Variants in EYA1 observed in about 807,000 individuals in gnomAD.
The protein encoded by EYA1 is protein phosphatase EYA1.
Under a neutral mutation model 82.0 loss-of-function variants are expected in EYA1, and 16 were observed. The ratio of observed to expected loss-of-function variants is 0.20; its 90% CI spans 0.13 to 0.30. EYA1 has a LOEUF of 0.30. Ranked by LOEUF, EYA1 falls within the 10% of genes least tolerant of loss-of-function variation. The pLI, the probability that EYA1 is intolerant of heterozygous loss-of-function variation, is 1.00. For missense variants in EYA1, 633 were observed against 730.7 expected (o/e 0.87, Z 1.54); for synonymous variants, 261 against 264.4 (o/e 0.99, Z 0.12).
intron 1 of EYA1, among the ~76,000 whole-genome samples, chr8:71,539,812 G>T (rs1006686969): frequency 2.0e-5 from 3 of 152,182 alleles, no homozygotes; most frequent in African/African-American, 2.4e-5. Context: ...GTGGAAAGGA[G>T]TTGAAATCAG....
chr8:71,388,023 C>A (rs1055275496), intron 2 of EYA1, among the ~76,000 whole-genome samples: 5 of 152,060 alleles, frequency 3.3e-5, no homozygotes, highest in African/African-American at 1.2e-4. Flanking sequence ...CTGTGCTAAG[C>A]CTGCACACAT....
intron 9 of EYA1, among the ~76,000 whole-genome samples, chr8:71,291,001 T>C (rs375215246): frequency 2.6e-4 from 39 of 152,332 alleles, no homozygotes; most frequent in African/African-American, 7.5e-4. Context: ...GCTGAACAAA[T>C]TGCAAACTTT....
intron 2 of EYA1, among the ~76,000 whole-genome samples, chr8:71,440,687 C>G (rs1806365886): frequency 6.6e-6 from 1 of 152,090 alleles, no homozygotes; most frequent in South Asian, 2.1e-4. Context: ...GGAGCCCATA[C>G]GTCAAGTTCC....
rs1200514062 is a variant in EYA1, at chr8:71,361,770, T to C, written c.-178A>G. The C allele has an allele frequency of 2.0e-6, 2 of 985,382 alleles. No homozygotes were observed. The highest frequency in any genetic ancestry group is 6.1e-5 in the Admixed American group (1 of 16,274). The allele number at this position is 985,382 out of a possible 1,614,324, so 61.0% of individuals were successfully genotyped here. A position where few individuals can be genotyped will look rare whatever the true frequency, so the allele number is the denominator to read the frequency against. On this transcript the variant is annotated 5_prime_UTR_variant, in exon 1 of 18. Transcript: ENST00000340726. ...TACGCGCGGGGGCTCTCAGGCGCTC[T>C]GGTGCAGCCGCGGCGCTTCTGGGAG...
chr8:71,417,455 C>T (rs1226680538), intron 2 of EYA1, among the ~76,000 whole-genome samples: 3 of 152,086 alleles, frequency 2.0e-5, no homozygotes, highest in Non-Finnish European at 2.9e-5. Context: ...TTTTTGCCTA[C>T]TAAAAGTTTT....
intron 2 of EYA1, among the ~76,000 whole-genome samples, chr8:71,530,385 T>G (rs1814167880): frequency 6.6e-6 from 1 of 152,212 alleles, no homozygotes; most frequent in Non-Finnish European, 1.5e-5. Flanking sequence ...CAACAATGAA[T>G]TTCTGTTGTT....
rs929651667 is a variant in EYA1, at chr8:71,328,953, C to T, written c.202+5144G>A. 2.0e-5 allele frequency among the ~76,000 whole-genome samples: 3 copies of T among 152,148 alleles called. No homozygotes were observed. In the East Asian group the frequency reaches 5.8e-4, roughly 29 times the overall value. On this transcript the variant is annotated intron_variant, in intron 4 of 17. Transcript: ENST00000340726. ...ATTTCCTTAGCAAACATTTACTGAG[C>T]ATCTCCTGTATGCTTGATGCCATGA...
At chr8:71,211,122 AAT>A in intron 17 of EYA1, 32 bp downstream of exon 17, 2 of 1,383,566 alleles carry the variant, frequency 1.4e-6, no homozygotes, top group Non-Finnish European at 2.1e-6. Flanking sequence ...TGAAAAAACA[AAT>A]GAGACAAGAT....
chr8:71,303,093 C>T (rs1019751840), intron 7 of EYA1, among the ~76,000 whole-genome samples: 1 of 142,270 alleles, frequency 7.0e-6, no homozygotes, highest in African/African-American at 2.5e-5. Context: ...TTACTCCTTA[C>T]AGCTCCTACT....
At chr8:71,404,140 G>A (rs555571442) in intron 2 of EYA1, 1 of 152,158 alleles carries the variant, frequency 6.6e-6, no homozygotes, top group Non-Finnish European at 1.5e-5. Context: ...TCCCTACTTA[G>A]GAGTATTTTG....
At chr8:71,441,903 C>A (rs1258764564) in intron 2 of EYA1, among the ~76,000 whole-genome samples, 1 of 152,130 alleles carries the variant, frequency 6.6e-6, no homozygotes, top group Admixed American at 6.5e-5. Context: ...CATGAGATAT[C>A]TCTGTTTCTG....
chr8:71,400,094 T>C (rs78792987), intron 2 of EYA1, among the ~76,000 whole-genome samples: 1 of 152,164 alleles, frequency 6.6e-6, no homozygotes, highest in Non-Finnish European at 1.5e-5. Context: ...GCTAGCCACA[T>C]GCAGAAAATT....
At chr8:71,340,326 A>G (rs1376565977) in intron 3 of EYA1, among the ~76,000 whole-genome samples, 2 of 152,200 alleles carry the variant, frequency 1.3e-5, no homozygotes, top group African/African-American at 4.8e-5. Flanking sequence ...ATTTGCAAGA[A>G]TACAAGAGTA....
chr8:71,267,729 T>C (rs918452467), intron 11 of EYA1, among the ~76,000 whole-genome samples: 17 of 152,274 alleles, frequency 1.1e-4, no homozygotes, highest in Middle Eastern at 6.8e-3. Context: ...TTTGTATTTT[T>C]AGTAGAGACG....
At chr8:71,469,118 A>G (rs1008481059) in intron 2 of EYA1, among the ~76,000 whole-genome samples, 1 of 152,046 alleles carries the variant, frequency 6.6e-6, no homozygotes, top group South Asian at 2.1e-4. Flanking sequence ...TAATTATAAC[A>G]TATAGTATGT....
intron 7 of EYA1, among the ~76,000 whole-genome samples, chr8:71,301,851 G>A (rs1820231982): frequency 6.6e-6 from 1 of 151,828 alleles, no homozygotes; most frequent in Admixed American, 6.6e-5. Flanking sequence ...ATTACATGGG[G>A]CTAAAAGGAT....
At chr8:71,274,014 G>A (rs1347360781) in intron 9 of EYA1, among the ~76,000 whole-genome samples, 1 of 151,976 alleles carries the variant, frequency 6.6e-6, no homozygotes, top group Admixed American at 6.6e-5. Flanking sequence ...AATATATTCT[G>A]TCTTTATTAT....
At chr8:71,547,187 G>A (rs1815693329) in intron 1 of EYA1, among the ~76,000 whole-genome samples, 1 of 152,186 alleles carries the variant, frequency 6.6e-6, no homozygotes, top group African/African-American at 2.4e-5. Flanking sequence ...CAAAGGAAAG[G>A]CCTGGGCCAG....
chr8:71,376,542 T>TA (rs1428909499), intron 2 of EYA1, among the ~76,000 whole-genome samples: 1 of 152,166 alleles, frequency 6.6e-6, no homozygotes, highest in African/African-American at 2.4e-5. Flanking sequence ...AGGGTTATTG[T>TA]AGTAGTCCAG....
Sources: allele counts gnomAD v4.1 joint callset (sites outside exome capture counted in the v4.1 genomes callset), GRCh38; gene constraint gnomAD v4.1.1; transcripts MANE v1.5; gene names NCBI Gene and HGNC (gene_info 2026-07-23, HGNC 2026-07-21).